MTFR1: variants seen among roughly 807,000 people sequenced by gnomAD.
MTFR1 encodes the protein mitochondrial fission regulator 1, also known as chondrocyte protein with a poly-proline region.
A neutral mutation model predicts 38.8 loss-of-function variants in MTFR1; 28 were observed. The observed-to-expected ratio is 0.72, with a 90% CI of 0.53 to 0.99. MTFR1 has a LOEUF of 0.99. Ranked by LOEUF, MTFR1 falls within the 50% of genes least tolerant of loss-of-function variation. The pLI is 0.00. For synonymous variants in MTFR1, 145 were observed against 137.0 expected (o/e 1.06, Z -0.41); for missense variants, 358 against 395.5 (o/e 0.91, Z 0.81).
chr8:65,666,268 GT>G, intron 1 of MTFR1, among the ~76,000 whole-genome samples: 1 of 150,506 alleles, frequency 6.6e-6, no homozygotes, highest in African/African-American at 2.4e-5. Context: ...TTAGCTGGGT[GT>G]GGTGGCGCAT....
chr8:65,660,798 T>A (rs1473479931), intron 1 of MTFR1, among the ~76,000 whole-genome samples: 2 of 152,202 alleles, frequency 1.3e-5, no homozygotes, highest in Non-Finnish European at 2.9e-5. Flanking sequence ...ATTCATAGTT[T>A]ATCAAAATGT....
At chr8:65,653,476 C>T (rs1273255416) in intron 1 of MTFR1, among the ~76,000 whole-genome samples, 1 of 152,078 alleles carries the variant, frequency 6.6e-6, no homozygotes, top group Non-Finnish European at 1.5e-5. Flanking sequence ...CGTGCCACTG[C>T]ACTCCAGCCT....
At chr8:65,753,814 G>A (rs1033244308) in intron 3 of MTFR1, among the ~76,000 whole-genome samples, 19 of 152,102 alleles carry the variant, frequency 1.2e-4, no homozygotes, top group South Asian at 2.1e-4. Context: ...ATATACGTAT[G>A]TGTTTATCAT....
chr8:65,773,293 A>T (rs1809164843), downstream of MTFR1, among the ~76,000 whole-genome samples: 1 of 152,172 alleles, frequency 6.6e-6, no homozygotes, highest in Admixed American at 6.5e-5. Context: ...AACTCCTCTA[A>T]ATTATATTAC....
intron 3 of MTFR1, among the ~76,000 whole-genome samples, chr8:65,743,270 T>A (rs1807521926): frequency 6.6e-6 from 1 of 152,148 alleles, no homozygotes; most frequent in African/African-American, 2.4e-5. Flanking sequence ...GTGGGCCACT[T>A]GATATTTCAC....
At chr8:65,766,118 G>C (rs1287369005) in intron 3 of MTFR1, among the ~76,000 whole-genome samples, 2 of 152,004 alleles carry the variant, frequency 1.3e-5, no homozygotes, top group African/African-American at 4.8e-5. Context: ...GCTAATTTTT[G>C]TATTTTTAGT....
At chr8:65,705,440 A>T (rs909192295) in intron 5 of MTFR1, among the ~76,000 whole-genome samples, 5 of 152,260 alleles carry the variant, frequency 3.3e-5, no homozygotes, top group African/African-American at 1.2e-4. Flanking sequence ...CTGTCAGAGA[A>T]GATGACTAGG....
chr8:65,687,945 C>T (rs1158015874), intron 3 of MTFR1, among the ~76,000 whole-genome samples: 1 of 151,672 alleles, frequency 6.6e-6, no homozygotes, highest in Non-Finnish European at 1.5e-5. Context: ...ATTAAAAATA[C>T]AAAAATTACC....
intron 3 of MTFR1, among the ~76,000 whole-genome samples, chr8:65,735,958 T>C (rs1490988743): frequency 6.6e-6 from 1 of 152,152 alleles, no homozygotes; most frequent in Non-Finnish European, 1.5e-5. Context: ...TTTAGTATAG[T>C]AGTCCCCTCA....
intron 3 of MTFR1, chr8:65,727,294 T>C (rs936541362): frequency 2.5e-6 from 4 of 1,612,388 alleles, no homozygotes; most frequent in Non-Finnish European, 3.4e-6. Context: ...AGTTACAGAA[T>C]TGGCAAGCTG....
intron 1 of MTFR1, among the ~76,000 whole-genome samples, chr8:65,653,073 A>G (rs972913490): frequency 2.0e-5 from 3 of 152,196 alleles, no homozygotes; most frequent in Admixed American, 6.5e-5. Context: ...ATTTTAGTCA[A>G]GATATCCTTT....
rs1218703093 is a variant in MTFR1, at chr8:65,704,844, T to C, written c.432T>C (p.Ile144=). The change falls in exon 5 of 8, where the codon ATT becomes ATC. Residue 144 remains isoleucine, a synonymous_variant. Transcript: ENST00000262146. ...CAAATGAGGAAGCACTGCAGAAGAT[T>C]TGCGCTCTCGAAAATGAACTTGCTG... The part of the protein sequence containing the change: ...ALANEEALQK[I]CALENELAAL... 6.2e-7 allele frequency: 1 copy of C among 1,614,012 alleles called. No individual in the cohort carries two copies. Among genetic ancestry groups the C allele is most frequent in the East Asian group, 2.2e-5 (1 of 44,874 alleles).
intron 3 of MTFR1, among the ~76,000 whole-genome samples, chr8:65,688,098 TAAAAAA>T (rs546722264): frequency 8.3e-6 from 1 of 120,884 alleles, no homozygotes; most frequent in African/African-American, 3.4e-5. Context: ...AGACTCCGTC[TAAAAAA>T]AAAAAAAAAA....
At chr8:65,685,107 T>C (rs13275168) in intron 3 of MTFR1, among the ~76,000 whole-genome samples, 72,792 of 152,146 alleles carry the variant, frequency 0.48, 18,464 homozygotes, top group Non-Finnish European at 0.56. Flanking sequence ...ATAAAAGATG[T>C]AGTCTTCAAA....
At chr8:65,680,487 C>G (rs1804847630) in intron 2 of MTFR1, among the ~76,000 whole-genome samples, 1 of 152,154 alleles carries the variant, frequency 6.6e-6, no homozygotes, top group African/African-American at 2.4e-5. Flanking sequence ...CTGACTCATA[C>G]TGTTATCCTT....
At position 65,644,793 on chromosome 8, in the gene MTFR1, G is replaced by C. The variant is rs1316178093; in HGVS notation, c.-81+9G>C. 3 of 152,772 alleles carry C rather than the reference G, an allele frequency of 2.0e-5. No individual in the cohort carries two copies. Among genetic ancestry groups the C allele is most frequent in the South Asian group, 4.1e-4 (2 of 4,836 alleles). The allele number at this position is 152,772 out of a possible 1,614,324, so 9.5% of individuals were successfully genotyped here. ...GCTGCCGCGCGGCCGAGGTGAGTAG[G>C]GTGGGAACTCGGAAAAGCGGTTGGC... On this transcript the variant is annotated intron_variant, in intron 1 of 7. Transcript: ENST00000262146.
chr8:65,765,958 T>C (rs528410198), intron 3 of MTFR1, among the ~76,000 whole-genome samples: 1 of 152,354 alleles, frequency 6.6e-6, no homozygotes, highest in African/African-American at 2.4e-5. Context: ...TATTTATTTA[T>C]TTTTTGAGAT....
At chr8:65,723,012 G>C (rs937063680) in intron 3 of MTFR1, 1 of 152,454 alleles carries the variant, frequency 6.6e-6, no homozygotes, top group African/African-American at 2.4e-5. Flanking sequence ...AGGCAAATGA[G>C]AGGGAAGTTG....
At chr8:65,676,672 A>T (rs780526774) in intron 2 of MTFR1, among the ~76,000 whole-genome samples, 2 of 152,110 alleles carry the variant, frequency 1.3e-5, no homozygotes, top group Non-Finnish European at 2.9e-5. Context: ...CCAGAAAAAC[A>T]TATTTTTCTT....
Sources: allele counts gnomAD v4.1 joint callset (sites outside exome capture counted in the v4.1 genomes callset), GRCh38; gene constraint gnomAD v4.1.1; transcripts MANE v1.5; gene names NCBI Gene and HGNC (gene_info 2026-07-23, HGNC 2026-07-21).